Variants in STAU2 observed in about 807,000 individuals in gnomAD.
STAU2 encodes double-stranded RNA-binding protein Staufen homolog 2.
Under a neutral mutation model 65.9 loss-of-function variants are expected in STAU2, and 20 were observed. That is an observed-to-expected ratio of 0.30 (90% confidence interval 0.21 to 0.44). STAU2 has a LOEUF of 0.44. STAU2 is among the 20% of genes least tolerant of loss of function. STAU2 has a pLI of 1.00. For missense variants in STAU2, 558 were observed against 683.9 expected, an observed-to-expected ratio of 0.82 and a Z score of 2.05; for synonymous variants, 232 against 233.9, an observed-to-expected ratio of 0.99 and a Z score of 0.07.
chr8:73,506,741 C>A (rs553525990), intron 13 of STAU2, among the ~76,000 whole-genome samples: 29 of 152,094 alleles, frequency 1.9e-4, no homozygotes, highest in Non-Finnish European at 2.5e-4. Context: ...CTGTAGTATG[C>A]AATGCTGTTT....
intron 7 of STAU2, 30 bp downstream of exon 7, chr8:73,617,262 A>C (rs369188409): frequency 2.7e-4 from 439 of 1,605,840 alleles, no homozygotes; most frequent in Non-Finnish European, 2.9e-4. Context: ...AAGTAGAAAG[A>C]ACAGACTGTC....
rs149514554 is a variant in STAU2, at chr8:73,443,955, A to C, written c.1531-21253T>G. Among the ~76,000 whole-genome samples, 1,513 of 152,244 alleles carry C rather than the reference A, an allele frequency of 9.9e-3. 17 individuals carry two copies. The highest frequency in any genetic ancestry group is 0.013 in the Non-Finnish European group (875 of 68,010). ...GAACCTCAGTGATTATGGAAAGCCCAAGTAGGTGTTCCTGGGCAGTAGACC... is the reference window on the plus strand; with the variant it reads ...GAACCTCAGTGATTATGGAAAGCCCCAGTAGGTGTTCCTGGGCAGTAGACC... On this transcript the variant is annotated intron_variant, in intron 13 of 14. Coordinates refer to ENST00000524300, the MANE Select transcript of STAU2 (RefSeq NM_001164380.2).
At chr8:73,732,442 C>T (rs775198276) in intron 3 of STAU2, 13 of 151,832 alleles carry the variant, frequency 8.6e-5, no homozygotes, top group Non-Finnish European at 1.5e-4. Flanking sequence ...ATCGGGATGC[C>T]GGGATCATTG....
At chr8:73,688,903 T>C in intron 4 of STAU2, 90 bp from the exon 5 acceptor site, 1 of 1,483,846 alleles carries the variant, frequency 6.7e-7, no homozygotes, top group Non-Finnish European at 9.1e-7. Context: ...CATCATAGAA[T>C]CAGAATTTTA....
intron 13 of STAU2, among the ~76,000 whole-genome samples, chr8:73,506,131 T>C (rs1168939938): frequency 2.0e-5 from 3 of 152,204 alleles, no homozygotes; most frequent in East Asian, 3.8e-4. Flanking sequence ...GCCTCAGGTA[T>C]TTCTTTATAG....
intron 13 of STAU2, among the ~76,000 whole-genome samples, chr8:73,545,347 T>C (rs1806829246): frequency 6.6e-6 from 1 of 152,114 alleles, no homozygotes; most frequent in Admixed American, 6.5e-5. Flanking sequence ...AGCCTGTACT[T>C]TTCTTATGCT....
chr8:73,710,164 T>C (rs1420286998), intron 3 of STAU2, among the ~76,000 whole-genome samples: 3 of 152,104 alleles, frequency 2.0e-5, no homozygotes, highest in African/African-American at 7.2e-5. Flanking sequence ...TGGAATATAA[T>C]CAAATATTTT....
intron 13 of STAU2, chr8:73,551,563 A>G (rs1807334746): frequency 2.0e-6 from 2 of 988,074 alleles, no homozygotes; most frequent in African/African-American, 3.5e-5. Flanking sequence ...TACTAGCAAT[A>G]GAATGCAAAA....
At chr8:73,568,368 C>G (rs1406307962) in intron 12 of STAU2, among the ~76,000 whole-genome samples, 1 of 152,138 alleles carries the variant, frequency 6.6e-6, no homozygotes, top group African/African-American at 2.4e-5. Flanking sequence ...CTTTGGGAAG[C>G]CAAGGCAGGA....
intron 12 of STAU2, among the ~76,000 whole-genome samples, chr8:73,557,276 C>CT (rs559583168): frequency 2.2e-3 from 338 of 152,284 alleles, no homozygotes; most frequent in Non-Finnish European, 3.9e-3. Context: ...ATAAAGATTA[C>CT]TTTCTACAGA....
chr8:73,484,890 CAG>C (rs1820829506), intron 13 of STAU2, among the ~76,000 whole-genome samples: 1 of 152,108 alleles, frequency 6.6e-6, no homozygotes, highest in Non-Finnish European at 1.5e-5. Context: ...GGGGCCATGA[CAG>C]AAGAGAAGTC....
intron 13 of STAU2, among the ~76,000 whole-genome samples, chr8:73,472,214 G>T (rs1008889230): frequency 6.6e-6 from 1 of 152,158 alleles, no homozygotes; most frequent in Non-Finnish European, 1.5e-5. Context: ...TTAAAATAAG[G>T]CTTCATGAAA....
intron 12 of STAU2, among the ~76,000 whole-genome samples, chr8:73,574,622 C>T (rs1453301639): frequency 6.6e-6 from 1 of 152,134 alleles, no homozygotes; most frequent in African/African-American, 2.4e-5. Flanking sequence ...ATGGATAAAG[C>T]TGGAAACCAT....
At chr8:73,712,664 A>T (rs1563523330) in intron 3 of STAU2, among the ~76,000 whole-genome samples, 3 of 152,220 alleles carry the variant, frequency 2.0e-5, no homozygotes, top group Admixed American at 6.5e-5. Flanking sequence ...TCATACAAAT[A>T]TACTTCTTGG....
At chr8:73,517,251 G>A (rs1408458378) in intron 13 of STAU2, among the ~76,000 whole-genome samples, 1 of 151,644 alleles carries the variant, frequency 6.6e-6, no homozygotes, top group African/African-American at 2.4e-5. Context: ...TAAAAGAGAA[G>A]AAAAAAGAAA....
At chr8:73,521,636 C>T (rs574038924) in intron 13 of STAU2, among the ~76,000 whole-genome samples, 1 of 152,262 alleles carries the variant, frequency 6.6e-6, no homozygotes, top group African/African-American at 2.4e-5. Context: ...TTTTGAACTT[C>T]CTGGGCTAGT....
intron 13 of STAU2, among the ~76,000 whole-genome samples, chr8:73,478,878 G>A (rs1049655250): frequency 2.0e-5 from 3 of 152,308 alleles, no homozygotes; most frequent in Non-Finnish European, 2.9e-5. Flanking sequence ...CAGATAGATG[G>A]TTGAAACTGA....
At chr8:73,554,198 G>A (rs188660842) in intron 12 of STAU2, among the ~76,000 whole-genome samples, 1 of 152,256 alleles carries the variant, frequency 6.6e-6, no homozygotes, top group Non-Finnish European at 1.5e-5. Context: ...AATTCTTCAG[G>A]CAACTCCCAG....
intron 13 of STAU2, among the ~76,000 whole-genome samples, chr8:73,433,608 C>T (rs1455145094): frequency 6.6e-6 from 1 of 150,584 alleles, no homozygotes; most frequent in South Asian, 2.1e-4. Flanking sequence ...TCAAGCGATT[C>T]TTGTGCCTCA....
Sources: allele counts gnomAD v4.1 joint callset (sites outside exome capture counted in the v4.1 genomes callset), GRCh38; gene constraint gnomAD v4.1.1; transcripts MANE v1.5; gene names NCBI Gene and HGNC (gene_info 2026-07-23, HGNC 2026-07-21).